The following EEF2 variants were observed in gnomAD, a reference collection of about 807,000 sequenced individuals.
EEF2 encodes the protein elongation factor 2.
Under a neutral mutation model 85.3 loss-of-function variants are expected in EEF2, and 21 were observed. The observed-to-expected ratio is 0.25, with a 90% CI of 0.17 to 0.35. The LOEUF is 0.35. Ranked by LOEUF, EEF2 falls within the 10% of genes least tolerant of loss-of-function variation. EEF2 has a pLI of 1.00. For synonymous variants in EEF2, 723 were observed against 508.8 expected (o/e 1.42, Z -5.67); for missense variants, 825 against 1,225.3 (o/e 0.67, Z 4.88).
At position 3,982,694 on chromosome 19, in the gene EEF2, C is replaced by A. The variant is rs1048469832; in HGVS notation, c.612+113G>T. The A allele has an allele frequency of 1.0e-5, 13 of 1,274,250 alleles. No individual in the cohort carries two copies. The African/African-American group carries it at 1.3e-4, about 13-fold the overall frequency. The allele number at this position is 1,274,250 out of a possible 1,614,324, so 78.9% of individuals were successfully genotyped here. A position where few individuals can be genotyped will look rare whatever the true frequency, so the allele number is the denominator to read the frequency against. ...CATTCCAGCCCCCTTCTCTGTCACC[C>A]AACATTCCTGGCAAAAACACACTTC... On this transcript the variant is annotated intron_variant, in intron 4 of 14. Transcript: ENST00000309311.
At chr19:3,983,856 AACCTCTCCAGATATT>A (rs1411590465) in intron 2 of EEF2, 1 of 492,800 alleles carries the variant, frequency 2.0e-6, no homozygotes, top group African/African-American at 1.9e-5. Context: ...GTGACAGCCA[AACCTCTCCAGATATT>A]GTAGGAGTGG....
intron 4 of EEF2, 189 bp downstream of exon 4, chr19:3,982,618 C>T (rs1194901161): frequency 1.1e-5 from 12 of 1,048,228 alleles, no homozygotes; most frequent in Non-Finnish European, 1.7e-5. Context: ...TCCCTGAGCT[C>T]GTCTCTTCCA....
At chr19:3,981,509 G>A (rs770786280) in intron 6 of EEF2, 57 bp from the exon 7 acceptor site, 2 of 1,495,102 alleles carry the variant, frequency 1.3e-6, no homozygotes, top group South Asian at 1.1e-5. Context: ...GAGGAAGCCT[G>A]GCACTGCTTC....
chr19:3,980,473 GC>G, intron 9 of EEF2, 40 bp downstream of exon 9: 1 of 1,584,438 alleles, frequency 6.3e-7, no homozygotes, highest in Non-Finnish European at 8.6e-7. Flanking sequence ...GGCAGGGCCC[GC>G]AACAGTGCCA....
chr19:3,985,262 C>G, intron 1 of EEF2, 116 bp downstream of exon 1: 1 of 1,210,680 alleles, frequency 8.3e-7, no homozygotes, highest in Non-Finnish European at 1.1e-6. Flanking sequence ...CCTCCGGCCC[C>G]GCCGCCGCTA....
chr19:3,983,312 T>C, intron 2 of EEF2, 21 bp from the exon 3 acceptor site: 1 of 1,608,368 alleles, frequency 6.2e-7, no homozygotes, highest in Middle Eastern at 1.7e-4. Context: ...GAGGGACTCG[T>C]CAGGGGGACA....
At position 3,979,835 on chromosome 19, in the gene EEF2, C is replaced by G; in HGVS notation, c.1578G>C (p.Arg526=). Residue 526 remains arginine, a synonymous_variant, in exon 10 of 15, where the codon CGG becomes CGC. Coordinates refer to ENST00000309311, the MANE Select transcript of EEF2 (RefSeq NM_001961.4). ...DLPKLVEGLK[R]LAKSDPMVQC... ...GCACCATGGGGTCGGACTTGGCCAG[C>G]CGCTTCAGCCCCTCCACCAGCTTGG... 6.2e-7 allele frequency: 1 copy of G among 1,613,536 alleles called. No homozygotes were observed. The highest frequency in any genetic ancestry group is 1.3e-5 in the African/African-American group (1 of 75,070).
intron 9 of EEF2, 103 bp from the exon 10 acceptor site, chr19:3,980,169 C>A (rs1193209105): frequency 1.3e-6 from 2 of 1,483,770 alleles, no homozygotes; most frequent in Non-Finnish European, 1.8e-6. Flanking sequence ...CCTGCCAGGT[C>A]CCAGGGCAGA....
At position 3,980,633 on chromosome 19, in the gene EEF2, C is replaced by A. The variant is rs753813164; in HGVS notation, c.1227G>T (p.Arg409=). ...SKMVPTSDKG[R]FYAFGRVFSG... is the part of the protein sequence containing the mutation. ...AGAAGACTCGTCCAAAGGCGTAGAA[C>A]CGACCTTTGTCGGAGGTTGGCACCA... The change falls in exon 9 of 15, where the codon CGG becomes CGT. Residue 409 remains arginine (R), a synonymous_variant. Coordinates refer to ENST00000309311, the MANE Select transcript of EEF2 (RefSeq NM_001961.4). 1 of 1,614,254 alleles carries A rather than the reference C, an allele frequency of 6.2e-7. No individual in the cohort carries two copies. The highest frequency in any genetic ancestry group is 8.5e-7 in the Non-Finnish European group (1 of 1,180,042).
At position 3,977,882 on chromosome 19, in the gene EEF2, A is replaced by G. The variant is rs779931357; in HGVS notation, c.2004T>C (p.Gly668=). ...GPNILTDITK[G]VQYLNEIKDS... ...CCTTGATCTCGTTGAGGTACTGCACACCCTTGGTGATGTCGGTGAGGATGT... is the reference window on the plus strand; with the variant it reads ...CCTTGATCTCGTTGAGGTACTGCACGCCCTTGGTGATGTCGGTGAGGATGT... The change falls in exon 12 of 15, where the codon GGT becomes GGC. Residue 668 remains glycine (G), a synonymous_variant. Transcript: ENST00000309311. This position sits in a 1 kb window ranked among gnomAD's most constrained non-coding sequence, Gnocchi z 5.4. 6.2e-7 allele frequency: 1 copy of G among 1,612,452 alleles called. No individual in the cohort carries two copies. The highest frequency in any genetic ancestry group is 1.1e-5 in the South Asian group (1 of 90,916).
chr19:3,979,529 G>T, intron 10 of EEF2, 93 bp from the exon 11 acceptor site: 1 of 1,157,764 alleles, frequency 8.6e-7, no homozygotes. Context: ...GACCCCGCCA[G>T]AACAAGATTT....
At position 3,984,895 on chromosome 19, in the gene EEF2, G is replaced by A. The variant is rs374351406; in HGVS notation, c.3+483C>T. The stretch of plus-strand genomic sequence containing the variant: ...CATCTGGGAGTCATAGGAAGGACAA[G>A]TGCCTAAGGTCGACGATTAACAGCA... On this transcript the variant is annotated intron_variant, in intron 1 of 14. Transcript: ENST00000309311. 5.3e-3 allele frequency: 900 copies of A among 168,608 alleles called. 1 individual carries two copies. The highest frequency in any genetic ancestry group is 8.6e-3 in the Non-Finnish European group (678 of 79,190). The allele number at this position is 168,608 out of a possible 1,614,324, so 10.4% of individuals were successfully genotyped here.
At chr19:3,979,494 G>A in intron 10 of EEF2, 58 bp from the exon 11 acceptor site, 2 of 1,459,284 alleles carry the variant, frequency 1.4e-6, no homozygotes, top group African/African-American at 1.4e-5. Flanking sequence ...GGCGGGACCA[G>A]GCTCCCAGCT....
rs6510778 is a variant in EEF2, at chr19:3,985,150, A to G, written c.3+228T>C. 0.046 allele frequency: 19,570 copies of G among 427,906 alleles called. 2,944 individuals are homozygous for G. The highest frequency in any genetic ancestry group is 0.34 in the African/African-American group (16,550 of 48,794). The allele number at this position is 427,906 out of a possible 1,614,324, so 26.5% of individuals were successfully genotyped here. On this transcript the variant is annotated intron_variant, in intron 1 of 14. Coordinates refer to ENST00000309311, the MANE Select transcript of EEF2 (RefSeq NM_001961.4). ...CATCCCCGCTAACAACCCAGCTCCA[A>G]CCAGGTCTGGGCAAGGTTATGGCGC...
At chr19:3,978,950 C>G (rs2039710707) in intron 11 of EEF2, among the ~76,000 whole-genome samples, 1 of 151,676 alleles carries the variant, frequency 6.6e-6, no homozygotes. Flanking sequence ...ACAGTGAAAC[C>G]CCGCCTCTAC....
intron 2 of EEF2, among the ~76,000 whole-genome samples, 198 bp from the exon 3 acceptor site, chr19:3,983,489 C>A (rs2039780843): frequency 6.6e-6 from 1 of 152,064 alleles, no homozygotes; most frequent in African/African-American, 2.4e-5. Context: ...TGGTACCAGC[C>A]CCATAGCCAG....
intron 4 of EEF2, 80 bp downstream of exon 4, chr19:3,982,727 C>G: frequency 6.8e-7 from 1 of 1,466,714 alleles, no homozygotes. Flanking sequence ...TTCCAGTCCC[C>G]CTCAGCTCAA....
intron 6 of EEF2, 120 bp from the exon 7 acceptor site, chr19:3,981,572 A>T: frequency 1.1e-6 from 1 of 947,840 alleles, no homozygotes; most frequent in South Asian, 1.4e-5. Context: ...GAGCAGGAGC[A>T]GGCCTGGCCT....
Position 3,981,938 on chromosome 19 carries a change from C to T in EEF2, c.897+9G>A, listed in dbSNP as rs748900105. ...CATCGGCGGGGTGCCTGGCGCAGCC[C>T]TCACTCACCTTGAAGATGGGGTCCA... On this transcript the variant is annotated intron_variant, in intron 6 of 14. Transcript: ENST00000309311. 1 of 1,613,170 alleles carries T rather than the reference C, an allele frequency of 6.2e-7. No homozygotes were observed. Among genetic ancestry groups the T allele is most frequent in the Admixed American group, 1.7e-5 (1 of 59,996 alleles).
Sources: allele counts gnomAD v4.1 joint callset (sites outside exome capture counted in the v4.1 genomes callset), GRCh38; gene constraint gnomAD v4.1.1; non-coding constraint Gnocchi (gnomAD v3.1); transcripts MANE v1.5; gene names NCBI Gene and HGNC (gene_info 2026-07-23, HGNC 2026-07-21).